Variants in PCNX4 observed in about 807,000 individuals in gnomAD.
PCNX4 encodes the protein pecanex 4, also known as pecanex-like protein 4.
In PCNX4, 103 loss-of-function variants were observed where a neutral mutation model predicts 107.2. The ratio of observed to expected loss-of-function variants is 0.96; its 90% CI spans 0.82 to 1.13. The LOEUF (loss-of-function observed/expected upper bound fraction) is 1.13, where lower values mean the gene tolerates loss of function less well. Among genes scored for constraint, PCNX4 ranks in the 50% most tolerant of loss-of-function variants. The probability of loss-of-function intolerance (pLI) is 0.00; values close to 1 mark genes in which losing one functional copy is unlikely to be tolerated. For missense variants in PCNX4, 1,528 were observed against 1,379.4 expected (o/e 1.11, Z -1.71); for synonymous variants, 541 against 481.7 (o/e 1.12, Z -1.61).
At chr14:60,121,080 A>G in intron 7 of PCNX4, 116 bp from the exon 8 acceptor site, 1 of 1,241,802 alleles carries the variant, frequency 8.1e-7, no homozygotes. Context: ...ATGAGAGGGT[A>G]GGAGTCGTGA....
rs746035923 is a variant in PCNX4, at chr14:60,115,373, G to T, written c.1269G>T (p.Pro423=). The change falls in exon 4 of 11, where the codon CCG becomes CCT. Residue 423 remains proline (P), a synonymous_variant. Coordinates refer to ENST00000406854, the MANE Select transcript of PCNX4 (RefSeq NM_001330177.2). ...GAATTTTCCGAAATCCCTTTTATCC[G>T]AAGGATGTGCAAACTGTGACTGTAT... ...IIGIFRNPFY[P]KDVQTVTVFF... is the part of the protein sequence containing the mutation. 1.3e-6 allele frequency: 2 copies of T among 1,599,542 alleles called. No homozygotes were observed. Among genetic ancestry groups the T allele is most frequent in the African/African-American group, 1.3e-5 (1 of 74,650 alleles).
chr14:60,145,111 G>T lies in PCNX4; in HGVS notation c.*10890G>T. ...CTGTTTTGAGGAGCTGTATCATTAT[G>T]ATTCACTATTAAGAATCTTTACAAA... is the stretch of plus-strand genomic sequence containing the variant. On this transcript the variant is annotated 3_prime_UTR_variant, in exon 11 of 11. Coordinates refer to ENST00000406854, the MANE Select transcript of PCNX4 (RefSeq NM_001330177.2). The surrounding 1 kb of genome is among the most constrained non-coding windows in gnomAD (Gnocchi z 4.0). 2.5e-6 allele frequency: 2 copies of T among 786,632 alleles called. No homozygotes were observed. Among genetic ancestry groups the T allele is most frequent in the East Asian group, 2.8e-5 (1 of 35,490 alleles). The allele number at this position is 786,632 out of a possible 1,614,324, so 48.7% of individuals were successfully genotyped here.
rs532630815 is a variant in PCNX4, at chr14:60,128,967, C to T, written c.3267+3144C>T. On this transcript the variant is annotated intron_variant, in intron 10 of 10. Transcript: ENST00000406854. ...GTGGTTCACACCTGTAATCCCAGCA[C>T]TTTGGGAGGCCGCGGCAGGCGGATC... 8.5e-5 allele frequency among the ~76,000 whole-genome samples: 13 copies of T among 152,216 alleles called. No individual in the cohort carries two copies. In the South Asian group the frequency reaches 2.7e-3, roughly 32 times the overall value.
At chr14:60,118,124 T>C (rs555713799) in intron 6 of PCNX4, among the ~76,000 whole-genome samples, 4 of 152,072 alleles carry the variant, frequency 2.6e-5, no homozygotes, top group Admixed American at 2.0e-4. Context: ...ACTGTTTTTT[T>C]TTTTTAAGAA....
chr14:60,121,184 A>ATTTT lies in PCNX4; in HGVS notation c.1943-12_1943-11insTTTT. On this transcript the variant is annotated splice_polypyrimidine_tract_variant and intron_variant, in intron 7 of 10. Transcript: ENST00000406854. ...TTCTTTTTTTTTTTTTTTTTTTTCTAATTTGTTGTAGGTCTCCTCCTACCT... is the reference window on the plus strand; with the variant it reads ...TTCTTTTTTTTTTTTTTTTTTTTCTATTTTATTTGTTGTAGGTCTCCTCCTACCT... The ATTTT allele has an allele frequency of 5.3e-6, 6 of 1,142,320 alleles. No individual in the cohort carries two copies. The highest frequency in any genetic ancestry group is 2.3e-5 in the South Asian group (1 of 42,764). The allele number at this position is 1,142,320 out of a possible 1,614,324, so 70.8% of individuals were successfully genotyped here.
At chr14:60,095,772 G>A (rs1895411547) in intron 1 of PCNX4, among the ~76,000 whole-genome samples, 1 of 150,176 alleles carries the variant, frequency 6.7e-6, no homozygotes, top group South Asian at 2.1e-4. Flanking sequence ...ATTTCTAAGA[G>A]GTCATGTCCC....
At chr14:60,113,552 A>G (rs1229144025) in intron 2 of PCNX4, among the ~76,000 whole-genome samples, 1 of 151,994 alleles carries the variant, frequency 6.6e-6, no homozygotes. Flanking sequence ...TATTTTTAGT[A>G]GAGATGGGGT....
chr14:60,111,795 TTTTTG>T (rs1187213832), intron 2 of PCNX4, among the ~76,000 whole-genome samples: 1 of 152,148 alleles, frequency 6.6e-6, no homozygotes, highest in Non-Finnish European at 1.5e-5. Flanking sequence ...TACAAAGAGT[TTTTTG>T]TTTTTGTTTA....
intron 10 of PCNX4, chr14:60,133,681 C>T (rs1328012013): frequency 1.8e-6 from 1 of 565,942 alleles, no homozygotes; most frequent in African/African-American, 1.8e-5. Flanking sequence ...ATCGCTGAGG[C>T]AACAGATCAG....
Position 60,115,885 on chromosome 14 carries a change from G to T in PCNX4, c.1459-56G>T. 5 of 1,589,104 alleles carry T rather than the reference G, an allele frequency of 3.1e-6. 1 individual carries two copies. The South Asian group carries it at 5.7e-5, about 18-fold the overall frequency. ...AGTTTTATTGTAATTTTGTTTAATA[G>T]TTTGCTTAGATTATCTAATTCTACC... On this transcript the variant is annotated intron_variant, in intron 5 of 10. Coordinates refer to ENST00000406854, the MANE Select transcript of PCNX4 (RefSeq NM_001330177.2).
chr14:60,127,348 G>GA (rs1412643338), intron 10 of PCNX4, among the ~76,000 whole-genome samples: 1 of 152,152 alleles, frequency 6.6e-6, no homozygotes, highest in Non-Finnish European at 1.5e-5. Context: ...TGTTTAATTG[G>GA]ATCAGTCTGT....
rs772105823 is a variant in PCNX4, at chr14:60,114,854, G to C, written c.844G>C (p.Gly282Arg). The change falls in exon 3 of 11, where the codon GGC (glycine) becomes CGC (arginine). Residue 282 changes from glycine to arginine, a missense_variant. Physicochemically the swap from Gly to Arg is moderately radical, Grantham distance 125. Transcript: ENST00000406854. ...MEQVLEFGLG[G>R]SSMSTHLRLL... ...GCAGGTTTTAGAGTTCGGCCTTGGA[G>C]GCTCATCTATGTCAACCCACTTACG... The C allele has an allele frequency of 6.2e-7, 1 of 1,612,818 alleles. No homozygotes were observed. Among genetic ancestry groups the C allele is most frequent in the Admixed American group, 1.7e-5 (1 of 59,876 alleles).
chr14:60,121,161 C>CTTATTTTT, intron 7 of PCNX4, 35 bp from the exon 8 acceptor site: 1 of 1,101,176 alleles, frequency 9.1e-7, no homozygotes, highest in Non-Finnish European at 1.2e-6. Context: ...AAATGATTTT[C>CTTATTTTT]TTTTTTTTTT....
Position 60,097,140 on chromosome 14 carries a change from C to T in PCNX4, c.-54+4721C>T, listed in dbSNP as rs534597422. On this transcript the variant is annotated intron_variant, in intron 1 of 10. Coordinates refer to ENST00000406854, the MANE Select transcript of PCNX4 (RefSeq NM_001330177.2). Reference sequence around the variant, plus strand: ...ACTGAAAACTAGATGTTTTATCAGGCGCTGCCTCTAAACCCCCCAACCATC... The same window carrying T: ...ACTGAAAACTAGATGTTTTATCAGGTGCTGCCTCTAAACCCCCCAACCATC... Among the ~76,000 whole-genome samples, 9 of 152,276 alleles carry T rather than the reference C, an allele frequency of 5.9e-5. No individual in the cohort carries two copies. The East Asian group carries it at 1.2e-3, about 20-fold the overall frequency.
chr14:60,120,794 C>G (rs1895938820), intron 7 of PCNX4, among the ~76,000 whole-genome samples: 1 of 152,168 alleles, frequency 6.6e-6, no homozygotes, highest in African/African-American at 2.4e-5. Context: ...CATTTTTAAA[C>G]CACAAAACAC....
Position 60,139,636 on chromosome 14 carries a change from AC to A in PCNX4, c.*5416del, listed in dbSNP as rs1346708373. On this transcript the variant is annotated 3_prime_UTR_variant, in exon 11 of 11. Transcript: ENST00000406854. Reference sequence around the variant, plus strand: ...CATATATGAAACAGAATACCCAACAACTGCAAAATACACATTATTTTCAAAT... The same window carrying A: ...CATATATGAAACAGAATACCCAACAATGCAAAATACACATTATTTTCAAAT... 6.6e-6 allele frequency: 1 copy of A among 152,130 alleles called. No individual in the cohort carries two copies. Among genetic ancestry groups the A allele is most frequent in the Non-Finnish European group, 1.5e-5 (1 of 67,968 alleles). 9.4% of individuals were successfully genotyped at this position (152,130 alleles called of 1,614,324 possible).
intron 7 of PCNX4, among the ~76,000 whole-genome samples, chr14:60,119,520 A>G (rs1895915875): frequency 6.6e-6 from 1 of 152,170 alleles, no homozygotes; most frequent in Non-Finnish European, 1.5e-5. Context: ...TTTTCTAATT[A>G]TTATGTGAGA....
Position 60,115,329 on chromosome 14 carries a change from C to A in PCNX4, c.1225C>A (p.Gln409Lys). The A allele has an allele frequency of 6.2e-7, 1 of 1,608,424 alleles. No homozygotes were observed. The change falls in exon 4 of 11, where the codon CAA becomes AAA. Residue 409 changes from glutamine (Q) to lysine (K), a missense_variant. Physicochemically the swap from Gln to Lys is moderately conservative, Grantham distance 53. Coordinates refer to ENST00000406854, the MANE Select transcript of PCNX4 (RefSeq NM_001330177.2). ...AATACTGTGGATACTTAGAGAAATT[C>A]AAAGCGTATATATCATTGGAATTTT... ...LIILWILREIQSVYIIGIFRN... is the reference protein window; with the variant it reads ...LIILWILREIKSVYIIGIFRN...
At chr14:60,117,093 T>C (rs1895864276) in intron 6 of PCNX4, among the ~76,000 whole-genome samples, 1 of 152,178 alleles carries the variant, frequency 6.6e-6, no homozygotes, top group Admixed American at 6.5e-5. Flanking sequence ...GAAGTTAATT[T>C]ATTACTGAAG....
Sources: gnomAD v4.1 joint callset for allele counts (sites outside exome capture counted in the v4.1 genomes callset) on GRCh38, gnomAD v4.1.1 for gene constraint, Gnocchi (gnomAD v3.1) non-coding constraint, MANE v1.5 for transcripts, NCBI Gene and HGNC (gene_info 2026-07-23, HGNC 2026-07-21) for gene names.